The following TENT2 variants were observed in gnomAD, a reference collection of about 807,000 sequenced individuals.
TENT2 encodes terminal nucleotidyltransferase 2, also known as poly(A) RNA polymerase GLD2.
TENT2 carries 44 observed loss-of-function variants against 72.2 expected under a neutral mutation model. The ratio of observed to expected loss-of-function variants is 0.61; its 90% CI spans 0.48 to 0.78. The LOEUF (loss-of-function observed/expected upper bound fraction) is 0.78, where lower values mean the gene tolerates loss of function less well. Ranked by LOEUF, TENT2 falls within the 30% of genes least tolerant of loss-of-function variation. TENT2 has a pLI of 0.00. For missense variants in TENT2, 541 were observed against 569.6 expected (o/e 0.95, Z 0.51); for synonymous variants, 212 against 192.5 (o/e 1.10, Z -0.84).
intron 10 of TENT2, among the ~76,000 whole-genome samples, chr5:79,652,319 T>G (rs1418423508): frequency 2.6e-5 from 4 of 152,018 alleles, no homozygotes; most frequent in Non-Finnish European, 4.4e-5. Context: ...TATTTAATGA[T>G]ACAAGAAAAT....
At chr5:79,637,572 A>G (rs1425294395) in intron 4 of TENT2, among the ~76,000 whole-genome samples, 1 of 152,044 alleles carries the variant, frequency 6.6e-6, no homozygotes, top group African/African-American at 2.4e-5. Context: ...GACGACAGGC[A>G]CGCATCACCA....
chr5:79,655,438 ATCTTC>A (rs1797219395), intron 10 of TENT2, among the ~76,000 whole-genome samples: 1 of 152,030 alleles, frequency 6.6e-6, no homozygotes, highest in Non-Finnish European at 1.5e-5. Flanking sequence ...ATTCTCTATA[ATCTTC>A]TCTTCATCCT....
At chr5:79,679,727 A>G in intron 13 of TENT2, 57 bp downstream of exon 13, 1 of 987,026 alleles carries the variant, frequency 1.0e-6, no homozygotes, top group Admixed American at 2.7e-5. Context: ...TTACTTGAGT[A>G]ATTTCAGCTG....
At chr5:79,647,979 CAG>C (rs1250183689) in intron 8 of TENT2, among the ~76,000 whole-genome samples, 1 of 152,110 alleles carries the variant, frequency 6.6e-6, no homozygotes, top group Admixed American at 6.6e-5. Flanking sequence ...AATGTGTAGA[CAG>C]AGCTTTTAAA....
intron 12 of TENT2, among the ~76,000 whole-genome samples, chr5:79,678,000 G>A (rs898988811): frequency 1.3e-5 from 2 of 152,078 alleles, no homozygotes; most frequent in Non-Finnish European, 2.9e-5. Flanking sequence ...AAACAATAGA[G>A]CAGAGTAGTC....
At chr5:79,621,757 C>CAAAAA (rs397998298) in intron 3 of TENT2, among the ~76,000 whole-genome samples, 1 of 83,330 alleles carries the variant, frequency 1.2e-5, no homozygotes, top group Non-Finnish European at 2.3e-5. Flanking sequence ...GACTCTATCT[C>CAAAAA]AAAAAAAAAA....
In TENT2 at chr5:79,633,487, C is replaced by T. The variant is rs1242962879; in HGVS notation, c.466-7364C>T. Among the ~76,000 whole-genome samples, 8 of 130,278 alleles carry T rather than the reference C, an allele frequency of 6.1e-5. No homozygotes were observed. The Admixed American group carries it at 7.2e-4, about 12-fold the overall frequency. The allele number at this position is 130,278 out of a possible 152,430, so 85.5% of individuals were successfully genotyped here. A position where few individuals can be genotyped will look rare whatever the true frequency, so the allele number is the denominator to read the frequency against. ...CAGAGTTTCGCTCTTGTTGCCCAGG[C>T]TGGAGTGCAATGGCTTGATCTCAGC... On this transcript the variant is annotated intron_variant, in intron 4 of 14. Coordinates refer to ENST00000453514, the MANE Select transcript of TENT2 (RefSeq NM_001114394.3).
At chr5:79,681,752 T>C in intron 13 of TENT2, 1 of 375,884 alleles carries the variant, frequency 2.7e-6, no homozygotes, top group Non-Finnish European at 4.8e-6. Flanking sequence ...CTGATGACTT[T>C]CATTTTTGAT....
chr5:79,677,744 T>C (rs1358245517), intron 12 of TENT2, among the ~76,000 whole-genome samples: 1 of 152,170 alleles, frequency 6.6e-6, no homozygotes, highest in Non-Finnish European at 1.5e-5. Context: ...CCTCTTCACA[T>C]TGTTGTTGTA....
At chr5:79,675,058 T>C (rs1291998953) in intron 12 of TENT2, among the ~76,000 whole-genome samples, 1 of 152,192 alleles carries the variant, frequency 6.6e-6, no homozygotes, top group Non-Finnish European at 1.5e-5. Flanking sequence ...TAATTCAATA[T>C]GGATAATGTA....
intron 10 of TENT2, among the ~76,000 whole-genome samples, chr5:79,655,591 T>C (rs904375246): frequency 2.0e-5 from 3 of 152,030 alleles, no homozygotes; most frequent in Non-Finnish European, 4.4e-5. Flanking sequence ...TATTAAAAAG[T>C]CTTATACAAA....
At chr5:79,616,749 T>G (rs917947806) in intron 1 of TENT2, among the ~76,000 whole-genome samples, 2 of 152,208 alleles carry the variant, frequency 1.3e-5, no homozygotes, top group Non-Finnish European at 2.9e-5. Flanking sequence ...AAATCTCTTG[T>G]AAAAAGACAT....
At chr5:79,657,777 G>C (rs1307745219) in intron 11 of TENT2, among the ~76,000 whole-genome samples, 1 of 151,874 alleles carries the variant, frequency 6.6e-6, no homozygotes, top group Non-Finnish European at 1.5e-5. Flanking sequence ...TACTTGTTTA[G>C]AATGTTTGAC....
At chr5:79,679,824 A>G (rs1820322202) in intron 13 of TENT2, among the ~76,000 whole-genome samples, 154 bp downstream of exon 13, 1 of 152,128 alleles carries the variant, frequency 6.6e-6, no homozygotes, top group Non-Finnish European at 1.5e-5. Context: ...AGTCATTTAA[A>G]ATTTTTTAGG....
intron 4 of TENT2, among the ~76,000 whole-genome samples, chr5:79,640,418 G>A (rs1204044571): frequency 6.6e-6 from 1 of 152,052 alleles, no homozygotes; most frequent in African/African-American, 2.4e-5. Flanking sequence ...TAGGGATTGG[G>A]CAAACTTCTT....
At chr5:79,683,531 T>G (rs1823871274) in intron 14 of TENT2, among the ~76,000 whole-genome samples, 1 of 151,858 alleles carries the variant, frequency 6.6e-6, no homozygotes, top group Non-Finnish European at 1.5e-5. Flanking sequence ...AATAAATAAA[T>G]AGATAAAATA....
At chr5:79,641,809 A>G (rs1236136052) in intron 6 of TENT2, among the ~76,000 whole-genome samples, 1 of 147,198 alleles carries the variant, frequency 6.8e-6, no homozygotes, top group Non-Finnish European at 1.5e-5. Flanking sequence ...TGGATTGTAG[A>G]TTTTTTTTTT....
chr5:79,649,324 T>C, intron 10 of TENT2, 134 bp downstream of exon 10: 1 of 782,322 alleles, frequency 1.3e-6, no homozygotes, highest in Non-Finnish European at 1.9e-6. Context: ...ACATTTCCTG[T>C]TTTGTTGCTT....
chr5:79,632,915 G>A (rs1419787816), intron 4 of TENT2, among the ~76,000 whole-genome samples: 2 of 152,068 alleles, frequency 1.3e-5, no homozygotes, highest in African/African-American at 4.8e-5. Flanking sequence ...CCAAGTTCAG[G>A]TAATAGTAGG....
Sources: gnomAD v4.1 joint callset for allele counts (sites outside exome capture counted in the v4.1 genomes callset) on GRCh38, gnomAD v4.1.1 for gene constraint, MANE v1.5 for transcripts, NCBI Gene and HGNC (gene_info 2026-07-23, HGNC 2026-07-21) for gene names.